ZNF425: variants seen among roughly 807,000 people sequenced by gnomAD.
The protein encoded by ZNF425 is zinc finger protein 425.
A neutral mutation model predicts 17.0 loss-of-function variants in ZNF425; 21 were observed. The ratio of observed to expected loss-of-function variants is 1.23; its 90% CI spans 0.88 to 1.78. The LOEUF (loss-of-function observed/expected upper bound fraction) is 1.78, where lower values mean the gene tolerates loss of function less well. Ranked by LOEUF, ZNF425 falls within the 40% of genes most tolerant of loss-of-function variation. ZNF425 has a pLI of 0.00. For missense variants in ZNF425, 868 were observed against 967.3 expected (o/e 0.90, Z 1.36); for synonymous variants, 433 against 384.1 (o/e 1.13, Z -1.49).
chr7:149,112,109 T>C, intron 3 of ZNF425, 28 bp downstream of exon 3: 1 of 1,600,004 alleles, frequency 6.2e-7, no homozygotes, highest in Non-Finnish European at 8.5e-7. Flanking sequence ...AATAAAATAA[T>C]TCATGATCTT....
In ZNF425 at chr7:149,126,189, T is replaced by G; in HGVS notation, c.18+7A>C. ...CAGAGCCTGCATCCTCCACCGGCCC[T>G]TCTTACCGAAGCCGGCTCGGCCATG... On this transcript the variant is annotated splice_region_variant and intron_variant, in intron 1 of 3. Transcript: ENST00000378061. 1 of 1,613,210 alleles carries G rather than the reference T, an allele frequency of 6.2e-7. No individual in the cohort carries two copies. The highest frequency in any genetic ancestry group is 8.5e-7 in the Non-Finnish European group (1 of 1,179,682).
intron 2 of ZNF425, chr7:149,113,551 A>ATTTTTTTTTTTTTTTTTT (rs774215848): frequency 7.7e-6 from 1 of 129,272 alleles, no homozygotes; most frequent in African/African-American, 3.1e-5. Flanking sequence ...ATTCCTACAA[A>ATTTTTTTTTTTTTTTTTT]TTTTTTTTTT....
Position 149,105,243 on chromosome 7 carries a change from G to A in ZNF425, c.628C>T (p.Arg210Trp), listed in dbSNP as rs141526768. 7.5e-5 allele frequency: 121 copies of A among 1,614,172 alleles called. No individual in the cohort carries two copies. The African/African-American group carries it at 1.5e-3, about 20-fold the overall frequency. ...QVRRDLLKHK[R>W]SHSKSQLCRY... ...CAGAGCTGGCTCTTGGAGTGGCTCC[G>A]TTTGTGCTTTAGCAAATCCCTCCTT... The change falls in exon 4 of 4, where the codon CGG (arginine) becomes TGG (tryptophan). Residue 210 changes from arginine to tryptophan, a missense_variant. By Grantham distance (101) the Arg-to-Trp change is moderately radical. Transcript: ENST00000378061.
intron 3 of ZNF425, among the ~76,000 whole-genome samples, chr7:149,110,902 C>T (rs1242931764): frequency 6.7e-6 from 1 of 150,294 alleles, no homozygotes; most frequent in African/African-American, 2.4e-5. Flanking sequence ...TCCAGCAATT[C>T]TCCTGCCTCA....
intron 1 of ZNF425, among the ~76,000 whole-genome samples, chr7:149,122,613 C>T (rs542251968): frequency 6.6e-6 from 1 of 152,238 alleles, no homozygotes; most frequent in South Asian, 2.1e-4. Flanking sequence ...TCCCACTGTG[C>T]CCTAGGTTCC....
Position 149,104,966 on chromosome 7 carries a change from A to G in ZNF425, c.905T>C (p.Phe302Ser). The change falls in exon 4 of 4, where the codon TTC becomes TCC. Residue 302 changes from phenylalanine to serine, a missense_variant. This residue lies in a region of ZNF425 where 243 missense variants were observed against 265.2 expected (regional missense o/e 0.92). Transcript: ENST00000378061. This position sits in a 1 kb window ranked among gnomAD's most constrained non-coding sequence, Gnocchi z 4.3. Reference protein sequence around the residue: ...HLCLHRGERPFCCGECGRAFV... With the variant: ...HLCLHRGERPSCCGECGRAFV... ...GGCCCGGCCGCACTCCCCGCAGCAG[A>G]ACGGCCGCTCCCCGCGGTGTAGACA... 1 of 1,614,124 alleles carries G rather than the reference A, an allele frequency of 6.2e-7. No homozygotes were observed. Among genetic ancestry groups the G allele is most frequent in the Non-Finnish European group, 8.5e-7 (1 of 1,180,036 alleles).
At position 149,104,332 on chromosome 7, in the gene ZNF425, G is replaced by A. The variant is rs373528690; in HGVS notation, c.1539C>T (p.Leu513=). Residue 513 remains leucine (L), a synonymous_variant, in exon 4 of 4, where the codon CTC becomes CTT. Transcript: ENST00000378061. This position sits in a 1 kb window ranked among gnomAD's most constrained non-coding sequence, Gnocchi z 4.3. ...CKKTFSQQSR[L]TQHLKVHTTE... Reference sequence around the variant, plus strand: ...TGGTGTGGACCTTCAGGTGCTGCGTGAGCCGCGACTGCTGAGAAAAGGTCT... The same window carrying A: ...TGGTGTGGACCTTCAGGTGCTGCGTAAGCCGCGACTGCTGAGAAAAGGTCT... 5 of 1,613,156 alleles carry A rather than the reference G, an allele frequency of 3.1e-6. No homozygotes were observed. The highest frequency in any genetic ancestry group is 1.1e-5 in the South Asian group (1 of 91,062).
intron 2 of ZNF425, among the ~76,000 whole-genome samples, chr7:149,114,935 T>C (rs1471603700): frequency 5.0e-5 from 6 of 120,516 alleles, no homozygotes; most frequent in East Asian, 2.1e-4. Flanking sequence ...TCTTTTCTTT[T>C]TTTTTTTTTT....
Position 149,104,337 on chromosome 7 carries a change from G to A in ZNF425, c.1534C>T (p.Arg512Trp). The A allele has an allele frequency of 1.9e-6, 3 of 1,613,140 alleles. No individual in the cohort carries two copies. Among genetic ancestry groups the A allele is most frequent in the South Asian group, 1.1e-5 (1 of 91,040 alleles). ...TGGACCTTCAGGTGCTGCGTGAGCC[G>A]CGACTGCTGAGAAAAGGTCTTTTTG... is the stretch of plus-strand genomic sequence containing the variant. ...ECKKTFSQQSRLTQHLKVHTT... is the reference protein window; with the variant it reads ...ECKKTFSQQSWLTQHLKVHTT... Residue 512 changes from arginine to tryptophan, a missense_variant, in exon 4 of 4, where the codon CGG becomes TGG. By Grantham distance (101) the Arg-to-Trp change is moderately radical (BLOSUM62 -3). This residue lies in a region of ZNF425 where 437 missense variants were observed against 444.2 expected (regional missense o/e 0.98). Transcript: ENST00000378061. This position sits in a 1 kb window ranked among gnomAD's most constrained non-coding sequence, Gnocchi z 4.3.
intron 3 of ZNF425, 180 bp downstream of exon 3, chr7:149,111,955 TAC>T (rs1826184233): frequency 1.9e-6 from 1 of 520,726 alleles, no homozygotes; most frequent in African/African-American, 2.0e-5. Context: ...GTGCTGAGAT[TAC>T]AGGCATGAGC....
At position 149,105,238 on chromosome 7, in the gene ZNF425, G is replaced by A; in HGVS notation, c.633C>T (p.Ser211=). Residue 211 remains serine (S), a synonymous_variant, in exon 4 of 4, where the codon AGC becomes AGT. Coordinates refer to ENST00000378061, the MANE Select transcript of ZNF425 (RefSeq NM_001001661.3). ...ATCTGCAGAGCTGGCTCTTGGAGTG[G>A]CTCCGTTTGTGCTTTAGCAAATCCC... ...VRRDLLKHKR[S]HSKSQLCRYP... is the part of the protein sequence containing the mutation. 6.2e-7 allele frequency: 1 copy of A among 1,614,200 alleles called. No individual in the cohort carries two copies. Among genetic ancestry groups the A allele is most frequent in the Non-Finnish European group, 8.5e-7 (1 of 1,180,044 alleles).
intron 1 of ZNF425, chr7:149,125,842 A>C: frequency 2.4e-6 from 1 of 421,552 alleles, no homozygotes; most frequent in Admixed American, 4.1e-5. Context: ...CCCGCTCCCG[A>C]GAGGTCACCA....
Position 149,105,523 on chromosome 7 carries a change from T to G in ZNF425, c.348A>C (p.Leu116Phe), listed in dbSNP as rs1227799047. 4 of 1,517,410 alleles carry G rather than the reference T, an allele frequency of 2.6e-6. No individual in the cohort carries two copies. The highest frequency in any genetic ancestry group is 3.5e-6 in the Non-Finnish European group (4 of 1,136,630). The allele number at this position is 1,517,410 out of a possible 1,614,324, so 94.0% of individuals were successfully genotyped here. ...TPRTKEEDCR[L>F]NGPQKQDLCA... Reference sequence around the variant, plus strand: ...ACAAGTCCTGTTTTTGAGGACCATTTAAACGGCAATCCTCTTCTTTTGTCC... The same window carrying G: ...ACAAGTCCTGTTTTTGAGGACCATTGAAACGGCAATCCTCTTCTTTTGTCC... The change falls in exon 4 of 4, where the codon TTA becomes TTC. Residue 116 changes from leucine to phenylalanine, a missense_variant. Leu to Phe is a conservative substitution (Grantham distance 22). Coordinates refer to ENST00000378061, the MANE Select transcript of ZNF425 (RefSeq NM_001001661.3).
Position 149,104,201 on chromosome 7 carries a change from G to A in ZNF425, c.1670C>T (p.Pro557Leu). The A allele has an allele frequency of 1.2e-6, 2 of 1,612,876 alleles. No homozygotes were observed. The highest frequency in any genetic ancestry group is 1.1e-5 in the South Asian group (1 of 91,022). The change falls in exon 4 of 4, where the codon CCC (proline) becomes CTC (leucine). Residue 557 changes from proline (P) to leucine (L), a missense_variant. This residue lies in a region of ZNF425 where 437 missense variants were observed against 444.2 expected (regional missense o/e 0.98). Coordinates refer to ENST00000378061, the MANE Select transcript of ZNF425 (RefSeq NM_001001661.3). The surrounding 1 kb of genome is among the most constrained non-coding windows in gnomAD (Gnocchi z 4.3). ...CCAGGAGAAGCTCTTGTCGCACTCG[G>A]GACACTGGAAGGGCTCCTCGCCACT... is the stretch of plus-strand genomic sequence containing the variant. ...LHSGEEPFQC[P>L]ECDKSFSWKA...
intron 3 of ZNF425, among the ~76,000 whole-genome samples, chr7:149,107,337 A>ATTTT (rs1163777625): frequency 1.6e-5 from 2 of 128,412 alleles, no homozygotes; most frequent in Non-Finnish European, 3.2e-5. Context: ...TTATTTATTT[A>ATTTT]TTTATTTATT....
intron 2 of ZNF425, among the ~76,000 whole-genome samples, chr7:149,112,815 C>T (rs1055416880): frequency 4.0e-5 from 6 of 150,320 alleles, no homozygotes; most frequent in African/African-American, 7.4e-5. Flanking sequence ...TATAGGCATG[C>T]GCCACCATGC....
intron 1 of ZNF425, among the ~76,000 whole-genome samples, chr7:149,121,620 G>T (rs1253975188): frequency 1.3e-5 from 2 of 152,102 alleles, no homozygotes; most frequent in Non-Finnish European, 2.9e-5. Context: ...TTGAACTCCT[G>T]ATCTTGTGAT....
At chr7:149,115,563 G>A (rs759461651) in intron 2 of ZNF425, among the ~76,000 whole-genome samples, 3 of 151,798 alleles carry the variant, frequency 2.0e-5, no homozygotes, top group East Asian at 2.0e-4. Context: ...GGTGGCGCAC[G>A]CCTGTAATTT....
Position 149,103,337 on chromosome 7 carries a change from C to T in ZNF425, c.*275G>A, listed in dbSNP as rs1398816718. On this transcript the variant is annotated 3_prime_UTR_variant, in exon 4 of 4. Coordinates refer to ENST00000378061, the MANE Select transcript of ZNF425 (RefSeq NM_001001661.3). The stretch of plus-strand genomic sequence containing the variant: ...GCTCAAGCGATCCTCCTGCCTCAAC[C>T]TCCCAAAGTAGCTGGGACCACAAGC... 5.4e-6 allele frequency: 2 copies of T among 373,722 alleles called. No individual in the cohort carries two copies. Among genetic ancestry groups the T allele is most frequent in the Non-Finnish European group, 9.6e-6 (2 of 208,502 alleles). The allele number at this position is 373,722 out of a possible 1,614,324, so 23.2% of individuals were successfully genotyped here.
Sources: gnomAD v4.1 joint callset for allele counts (sites outside exome capture counted in the v4.1 genomes callset) on GRCh38, gnomAD v4.1.1 for gene constraint, gnomAD v4.1.1 regional missense constraint, Gnocchi (gnomAD v3.1) non-coding constraint, MANE v1.5 for transcripts, NCBI Gene and HGNC (gene_info 2026-07-23, HGNC 2026-07-21) for gene names.